The following MID1 variants were observed in gnomAD, a reference collection of about 807,000 sequenced individuals.
MID1 encodes E3 ubiquitin-protein ligase Midline-1.
A neutral mutation model predicts 40.4 loss-of-function variants in MID1; 7 were observed. The observed-to-expected ratio is 0.17, with a 90% CI of 0.10 to 0.33. The LOEUF (loss-of-function observed/expected upper bound fraction) is 0.33. Ranked by LOEUF, MID1 falls within the 10% of genes least tolerant of loss-of-function variation. The probability of loss-of-function intolerance (pLI) is 1.00; values close to 1 mark genes in which losing one functional copy is unlikely to be tolerated. For synonymous variants in MID1, 229 were observed against 221.2 expected (o/e 1.04, Z -0.31); for missense variants, 367 against 558.5 (o/e 0.66, Z 3.46).
intron 1 of MID1, among the ~76,000 whole-genome samples, chrX:10,580,190 C>T (rs925377979): frequency 1.3e-5 from 1 of 74,998 alleles, no homozygotes; most frequent in Non-Finnish European, 2.2e-5. Flanking sequence ...AATCACATGC[C>T]CCCCCCCGCC....
Position 10,725,784 on chromosome X carries a change from G to A in MID1, c.-186-105365C>T, listed in dbSNP as rs753358611. On this transcript the variant is annotated intron_variant, in intron 1 of 10. Transcript: ENST00000380785. ...TGAGGCAGGAGAATCACTTGAATCC[G>A]GGAGGCAGAGGTTGCAGTGAGCTGA... Among the ~76,000 whole-genome samples, 9 of 112,187 alleles carry A rather than the reference G, an allele frequency of 8.0e-5. No individual in the cohort carries two copies. The East Asian group carries it at 2.5e-3, about 31-fold the overall frequency.
rs76715653 is a variant in MID1 at position 10,543,716 on chromosome X, A to G, written c.661-20529T>C. 5.1e-3 allele frequency among the ~76,000 whole-genome samples: 569 copies of G among 111,004 alleles called. 8 individuals carry two copies. The highest frequency in any genetic ancestry group is 0.044 in the East Asian group (155 of 3,515). On this transcript the variant is annotated intron_variant, in intron 2 of 9. Transcript: ENST00000317552. ...AAATTAGCTGGGCGTGGTGGTGTGC[A>G]TCTGTAATCCCAGCCACTTGGGAGG...
intron 2 of MID1, among the ~76,000 whole-genome samples, chrX:10,524,547 C>T (rs1040314093): frequency 2.8e-5 from 3 of 106,216 alleles, no homozygotes; most frequent in African/African-American, 4.0e-5. Flanking sequence ...CATTCATTTA[C>T]TTATGTGTTC....
chrX:10,462,988 G>C (rs1377411512), intron 7 of MID1, among the ~76,000 whole-genome samples: 2 of 111,644 alleles, frequency 1.8e-5, no homozygotes, highest in African/African-American at 6.5e-5. Flanking sequence ...AGCCATTAAG[G>C]CTTGAAAAAA....
intron 2 of MID1, among the ~76,000 whole-genome samples, chrX:10,529,602 T>C (rs1366861558): frequency 8.9e-6 from 1 of 111,807 alleles, no homozygotes; most frequent in Admixed American, 9.5e-5. Context: ...CATACCTCTT[T>C]TCCTCTACTT....
rs771156478 is a variant in MID1, at chrX:10,567,095, C to T, written c.453G>A (p.Pro151=). Reference sequence around the variant, plus strand: ...GATGGCCTGTAAAGGGCTTCTTATTCGGGTGAGTGGCTTTCAGGCACTCGT... The same window carrying T: ...GATGGCCTGTAAAGGGCTTCTTATTTGGGTGAGTGGCTTTCAGGCACTCGT... ...YCDECLKATH[P]NKKPFTGHRL... The change falls in exon 2 of 10, where the codon CCG becomes CCA. Residue 151 remains proline, a synonymous_variant. Transcript: ENST00000317552. 8 of 1,209,710 alleles carry T rather than the reference C, an allele frequency of 6.6e-6. No individual in the cohort carries two copies. Among genetic ancestry groups the T allele is most frequent in the Admixed American group, 2.2e-5 (1 of 45,754 alleles).
intron 1 of MID1, among the ~76,000 whole-genome samples, chrX:10,778,216 C>A (rs112443068): frequency 0.044 from 4,822 of 110,813 alleles, 231 homozygotes; most frequent in African/African-American, 0.15. Context: ...CAGCATCACC[C>A]CAGACACGTG....
chrX:10,694,739 A>G (rs2043151260), intron 1 of MID1, among the ~76,000 whole-genome samples: 1 of 112,205 alleles, frequency 8.9e-6, no homozygotes, highest in Admixed American at 9.5e-5. Context: ...GCATGGTGAA[A>G]AAATAGATGG....
At chrX:10,667,924 T>A (rs759821759) in intron 1 of MID1, among the ~76,000 whole-genome samples, 1 of 112,386 alleles carries the variant, frequency 8.9e-6, no homozygotes, top group Admixed American at 9.4e-5. Flanking sequence ...AAACAATTTT[T>A]CTTCACTGAA....
At chrX:10,731,788 C>T (rs766994136) in intron 1 of MID1, among the ~76,000 whole-genome samples, 6 of 108,472 alleles carry the variant, frequency 5.5e-5, no homozygotes, top group African/African-American at 2.0e-4. Flanking sequence ...GCGAAAACAC[C>T]GTCTCTATTA....
At chrX:10,489,897 G>A (rs1176217222) in intron 4 of MID1, among the ~76,000 whole-genome samples, 7 of 110,305 alleles carry the variant, frequency 6.3e-5, no homozygotes, top group African/African-American at 2.0e-4. Context: ...GGGTTTCACC[G>A]TGTTAGCCAG....
intron 1 of MID1, among the ~76,000 whole-genome samples, chrX:10,771,789 A>G (rs1040015050): frequency 2.5e-4 from 27 of 108,218 alleles, no homozygotes; most frequent in Non-Finnish European, 4.8e-4. Context: ...GATTACAGGC[A>G]TGAGCCACCG....
intron 1 of MID1, among the ~76,000 whole-genome samples, chrX:10,637,532 G>A (rs1936133244): frequency 9.2e-6 from 1 of 108,871 alleles, no homozygotes; most frequent in Non-Finnish European, 1.9e-5. Flanking sequence ...AGCTGAGGCA[G>A]GACAATCGCT....
At position 10,734,742 on chromosome X, in the gene MID1, T is replaced by C. The variant is rs1252928224; in HGVS notation, c.-187+98812A>G. Among the ~76,000 whole-genome samples, 13 of 111,455 alleles carry C rather than the reference T, an allele frequency of 1.2e-4. No homozygotes were observed. The Admixed American group carries it at 1.2e-3, about 11-fold the overall frequency. The stretch of plus-strand genomic sequence containing the variant: ...GAGTCCATGTCTATGGTGGTGAAAG[T>C]GAGAAGGAAGGGACACAAAGAAAGT... On this transcript the variant is annotated intron_variant, in intron 1 of 10. Transcript: ENST00000380785.
chrX:10,539,057 T>C (rs1933369467), intron 2 of MID1, among the ~76,000 whole-genome samples: 1 of 112,421 alleles, frequency 8.9e-6, no homozygotes, highest in African/African-American at 3.2e-5. Context: ...TGCTTCACAA[T>C]GGACCATGCA....
intron 1 of MID1, among the ~76,000 whole-genome samples, chrX:10,571,764 T>TA (rs199961262): frequency 0.098 from 10,580 of 107,615 alleles, 887 homozygotes; most frequent in African/African-American, 0.27. Context: ...AAAATAAAAA[T>TA]AAAAAAATTA....
chrX:10,547,956 C>G (rs1933762682), intron 2 of MID1, among the ~76,000 whole-genome samples: 1 of 111,644 alleles, frequency 9.0e-6, no homozygotes, highest in Non-Finnish European at 1.9e-5. Flanking sequence ...AGGATTACTG[C>G]AGAAAGCTTC....
chrX:10,600,937 T>C (rs1935507664), intron 1 of MID1, among the ~76,000 whole-genome samples: 1 of 111,575 alleles, frequency 9.0e-6, no homozygotes, highest in African/African-American at 3.3e-5. Flanking sequence ...AAAATTCCCA[T>C]GGCTTTAAAA....
chrX:10,727,136 C>T (rs181954682), intron 1 of MID1, among the ~76,000 whole-genome samples: 17 of 111,860 alleles, frequency 1.5e-4, no homozygotes, highest in South Asian at 3.8e-4. Context: ...TTTTTTGAGA[C>T]GGAGTTTCAC....
Sources: gnomAD v4.1 joint callset for allele counts (sites outside exome capture counted in the v4.1 genomes callset) on GRCh38, gnomAD v4.1.1 for gene constraint, MANE v1.5 for transcripts, NCBI Gene and HGNC (gene_info 2026-07-23, HGNC 2026-07-21) for gene names.